Variants in MAGI3 observed in about 807,000 individuals in gnomAD.
MAGI3 encodes membrane-associated guanylate kinase, WW and PDZ domain-containing protein 3.
MAGI3 carries 43 observed loss-of-function variants against 121.8 expected under a neutral mutation model. That is an observed-to-expected ratio of 0.35 (90% CI 0.28 to 0.46). The LOEUF (loss-of-function observed/expected upper bound fraction) is 0.46. Among genes scored for constraint, MAGI3 ranks in the 20% least tolerant of loss-of-function variants. The pLI is 1.00. For synonymous variants in MAGI3, 553 were observed against 639.3 expected, an observed-to-expected ratio of 0.86 and a Z score of 2.04; for missense variants, 1,547 against 1,797.3, an observed-to-expected ratio of 0.86 and a Z score of 2.52.
intron 1 of MAGI3, chr1:113,450,054 A>T: frequency 6.5e-7 from 1 of 1,542,558 alleles, no homozygotes; most frequent in East Asian, 2.2e-5. Context: ...AGAAGAATAT[A>T]ATTTGAGAGA....
At chr1:113,408,157 AT>A (rs1651790829) in intron 1 of MAGI3, among the ~76,000 whole-genome samples, 1 of 152,188 alleles carries the variant, frequency 6.6e-6, no homozygotes, top group Admixed American at 6.5e-5. Context: ...CTTCAAAGTA[AT>A]TCAGCCTTTG....
At chr1:113,601,684 A>G (rs1288112972) in intron 6 of MAGI3, among the ~76,000 whole-genome samples, 1 of 144,734 alleles carries the variant, frequency 6.9e-6, no homozygotes, top group Non-Finnish European at 1.5e-5. Context: ...GGGATCTAGA[A>G]CTAGAAATAC....
At chr1:113,415,090 G>A (rs1265398662) in intron 1 of MAGI3, among the ~76,000 whole-genome samples, 1 of 152,050 alleles carries the variant, frequency 6.6e-6, no homozygotes, top group African/African-American at 2.4e-5. Context: ...TGCATTTATA[G>A]AAACTAGAGC....
chr1:113,415,650 T>G (rs911124875), intron 1 of MAGI3, among the ~76,000 whole-genome samples: 2 of 152,002 alleles, frequency 1.3e-5, no homozygotes, highest in Non-Finnish European at 2.9e-5. Flanking sequence ...AATCTTCAGT[T>G]TAGCATGCAA....
chr1:113,566,680 A>C (rs940082464), intron 2 of MAGI3, among the ~76,000 whole-genome samples: 2 of 152,178 alleles, frequency 1.3e-5, no homozygotes, highest in Non-Finnish European at 2.9e-5. Context: ...CATGGAAAGT[A>C]AACAGTGTGT....
chr1:113,591,895 A>G (rs1648712533), intron 5 of MAGI3, among the ~76,000 whole-genome samples: 1 of 152,156 alleles, frequency 6.6e-6, no homozygotes, highest in Non-Finnish European at 1.5e-5. Flanking sequence ...AAAGAGGGAG[A>G]ATTTATAAAA....
At chr1:113,564,470 C>A (rs553692711) in intron 2 of MAGI3, among the ~76,000 whole-genome samples, 16 of 152,232 alleles carry the variant, frequency 1.1e-4, no homozygotes, top group Admixed American at 2.0e-4. Flanking sequence ...AAGATAAAAT[C>A]AAATGGTTTA....
intron 6 of MAGI3, among the ~76,000 whole-genome samples, chr1:113,606,583 A>G (rs1456670469): frequency 2.0e-5 from 3 of 151,944 alleles, no homozygotes; most frequent in South Asian, 2.1e-4. Flanking sequence ...AATCTCTAGT[A>G]TTGTCCTTTG....
At chr1:113,582,337 T>C (rs1648088378) in intron 3 of MAGI3, among the ~76,000 whole-genome samples, 1 of 152,106 alleles carries the variant, frequency 6.6e-6, no homozygotes. Flanking sequence ...CATATGGGAA[T>C]ATTTGTTATA....
Position 113,390,705 on chromosome 1 carries a change from G to C in MAGI3, c.-329G>C, listed in dbSNP as rs1650733982. Reference sequence around the variant, plus strand: ...CCGCCGCTCGGGCGCTGAGCCCAGGGACCAGCCGGCGGCAGTGACCCCGCC... The same window carrying C: ...CCGCCGCTCGGGCGCTGAGCCCAGGCACCAGCCGGCGGCAGTGACCCCGCC... On this transcript the variant is annotated 5_prime_UTR_variant, in exon 1 of 21. Coordinates refer to ENST00000307546, the MANE Select transcript of MAGI3 (RefSeq NM_001142782.2). 1 of 158,556 alleles carries C rather than the reference G, an allele frequency of 6.3e-6. No individual in the cohort carries two copies. Among genetic ancestry groups the C allele is most frequent in the African/African-American group, 2.4e-5 (1 of 41,656 alleles). 9.8% of individuals were successfully genotyped at this position (158,556 alleles called of 1,614,324 possible).
At chr1:113,527,018 A>T (rs1450583337) in intron 1 of MAGI3, among the ~76,000 whole-genome samples, 1 of 152,170 alleles carries the variant, frequency 6.6e-6, no homozygotes, top group Admixed American at 6.5e-5. Flanking sequence ...ATTTTATAGG[A>T]TTATTGTGAG....
intron 1 of MAGI3, among the ~76,000 whole-genome samples, chr1:113,526,248 A>T (rs1414620244): frequency 1.3e-5 from 2 of 152,198 alleles, no homozygotes; most frequent in Non-Finnish European, 2.9e-5. Context: ...GTGATAAGGC[A>T]TGTGGGTATA....
intron 9 of MAGI3, among the ~76,000 whole-genome samples, chr1:113,629,284 G>A (rs1028566260): frequency 6.6e-6 from 1 of 152,036 alleles, no homozygotes; most frequent in African/African-American, 2.4e-5. Context: ...AATTATTTCA[G>A]TCTCTGTTAA....
At chr1:113,400,274 G>A (rs1452555380) in intron 1 of MAGI3, among the ~76,000 whole-genome samples, 1 of 152,064 alleles carries the variant, frequency 6.6e-6, no homozygotes, top group South Asian at 2.1e-4. Context: ...CTGTATCAAT[G>A]TCTTCAGCTT....
intron 20 of MAGI3, chr1:113,682,158 T>TG: frequency 7.9e-7 from 1 of 1,271,388 alleles, no homozygotes; most frequent in Non-Finnish European, 1.1e-6. Flanking sequence ...CTAACTGCAC[T>TG]GATTTTTTTT....
At chr1:113,507,473 G>A (rs1288149560) in intron 1 of MAGI3, among the ~76,000 whole-genome samples, 1 of 152,182 alleles carries the variant, frequency 6.6e-6, no homozygotes, top group Non-Finnish European at 1.5e-5. Context: ...TTTGGCGTCT[G>A]TAAATCTAAC....
rs554177961 is a variant in MAGI3, at chr1:113,641,788, CA to C, written c.1361-122del. ...CTGTGTTAGAAATCTATCTTTTCAG[CA>C]GTTAATAGAGGTTTCCAAAATTCAA... On this transcript the variant is annotated intron_variant, in intron 9 of 20. Coordinates refer to ENST00000307546, the MANE Select transcript of MAGI3 (RefSeq NM_001142782.2). 2.5e-3 allele frequency: 1,879 copies of C among 749,006 alleles called. 7 individuals carry two copies. The highest frequency in any genetic ancestry group is 2.9e-3 in the Non-Finnish European group (1,412 of 485,002). The allele number at this position is 749,006 out of a possible 1,614,324, so 46.4% of individuals were successfully genotyped here.
chr1:113,541,635 C>A (rs967822706), intron 1 of MAGI3, among the ~76,000 whole-genome samples: 8 of 152,122 alleles, frequency 5.3e-5, no homozygotes, highest in African/African-American at 1.4e-4. Flanking sequence ...TGGATATATT[C>A]TTTTAAGTAG....
intron 1 of MAGI3, among the ~76,000 whole-genome samples, chr1:113,514,580 T>A (rs7530750): frequency 0.24 from 35,893 of 147,924 alleles, 4,938 homozygotes; most frequent in East Asian, 0.63. Flanking sequence ...AACAAAGAGA[T>A]CACATGGACA....
Sources: gnomAD v4.1 joint callset for allele counts (sites outside exome capture counted in the v4.1 genomes callset) on GRCh38, gnomAD v4.1.1 for gene constraint, MANE v1.5 for transcripts, NCBI Gene and HGNC (gene_info 2026-07-23, HGNC 2026-07-21) for gene names.